The following TMEM117 variants were observed in gnomAD, a reference collection of about 807,000 sequenced individuals.
The protein encoded by TMEM117 is transmembrane protein 117.
TMEM117 carries 27 observed loss-of-function variants against 52.4 expected under a neutral mutation model. That is an observed-to-expected ratio of 0.51 (90% CI 0.38 to 0.71). TMEM117 has a LOEUF of 0.71. TMEM117 is among the 30% of genes least tolerant of loss of function. The pLI, the probability that TMEM117 is intolerant of heterozygous loss-of-function variation, is 0.00. For synonymous variants in TMEM117, 215 were observed against 206.3 expected, an observed-to-expected ratio of 1.04 and a Z score of -0.36; for missense variants, 556 against 630.5, an observed-to-expected ratio of 0.88 and a Z score of 1.26.
chr12:44,045,379 A>G (rs187898664), intron 3 of TMEM117, among the ~76,000 whole-genome samples: 13 of 152,274 alleles, frequency 8.5e-5, no homozygotes, highest in Admixed American at 6.5e-4. Context: ...CTCTTTCATC[A>G]TGGAAAGGTT....
intron 4 of TMEM117, among the ~76,000 whole-genome samples, chr12:44,152,670 A>T (rs969057687): frequency 1.5e-5 from 2 of 132,708 alleles, no homozygotes; most frequent in Non-Finnish European, 1.6e-5. Flanking sequence ...ATCATATATA[A>T]TTTTTATATA....
At chr12:44,170,693 A>G (rs1423527226) in intron 4 of TMEM117, among the ~76,000 whole-genome samples, 2 of 152,204 alleles carry the variant, frequency 1.3e-5, no homozygotes, top group African/African-American at 2.4e-5. Context: ...TGAATTTTAC[A>G]TCTTGATAGA....
At chr12:44,077,774 T>G (rs1187618777) in intron 3 of TMEM117, among the ~76,000 whole-genome samples, 1 of 150,988 alleles carries the variant, frequency 6.6e-6, no homozygotes, top group African/African-American at 2.5e-5. Context: ...CTTCATTCTT[T>G]TGGCATAGTC....
At chr12:44,386,545 G>A (rs1952090654) in intron 7 of TMEM117, among the ~76,000 whole-genome samples, 1 of 152,026 alleles carries the variant, frequency 6.6e-6, no homozygotes. Context: ...AGAGGAGCAA[G>A]TTGCACCTTC....
intron 3 of TMEM117, among the ~76,000 whole-genome samples, chr12:44,002,160 T>C (rs1337222773): frequency 5.3e-5 from 8 of 152,186 alleles, no homozygotes; most frequent in Non-Finnish European, 7.4e-5. Flanking sequence ...CCTGGACTTA[T>C]AGGAGACAGC....
At chr12:43,806,682 A>C in the TMEM117 span, among the ~76,000 whole-genome samples, 33,126 of 152,100 alleles carry the variant, frequency 0.22, 4,131 homozygotes, top group African/African-American at 0.33. Flanking sequence ...AAAGATGTGC[A>C]CATTATTTTT....
At chr12:43,981,432 G>GACTAT (rs1270645158) in intron 3 of TMEM117, among the ~76,000 whole-genome samples, 4 of 152,164 alleles carry the variant, frequency 2.6e-5, no homozygotes, top group African/African-American at 9.7e-5. Context: ...CATAGTTATA[G>GACTAT]AGCTTCAGTT....
intron 1 of TMEM117, among the ~76,000 whole-genome samples, chr12:43,842,155 A>C (rs754277573): frequency 9.9e-5 from 15 of 152,270 alleles, no homozygotes; most frequent in Non-Finnish European, 1.8e-4. Context: ...TACACATTGA[A>C]TATCATGAAA....
chr12:44,245,589 T>G (rs1375841828), intron 5 of TMEM117, among the ~76,000 whole-genome samples: 1 of 152,036 alleles, frequency 6.6e-6, no homozygotes, highest in Non-Finnish European at 1.5e-5. Flanking sequence ...TAACGTTTTT[T>G]TTTTTGTTGG....
chr12:44,305,854 C>T (rs1950896710), intron 6 of TMEM117, among the ~76,000 whole-genome samples: 1 of 151,712 alleles, frequency 6.6e-6, no homozygotes, highest in African/African-American at 2.4e-5. Flanking sequence ...GACACATGCA[C>T]ACATATGTTC....
At chr12:44,333,972 C>T (rs549495544) in intron 6 of TMEM117, among the ~76,000 whole-genome samples, 18 of 152,028 alleles carry the variant, frequency 1.2e-4, no homozygotes, top group African/African-American at 2.9e-4. Flanking sequence ...TCCTGAGGGA[C>T]GATGCTAAAC....
At chr12:44,046,751 C>T (rs1012372161) in intron 3 of TMEM117, among the ~76,000 whole-genome samples, 3 of 152,128 alleles carry the variant, frequency 2.0e-5, no homozygotes, top group African/African-American at 4.8e-5. Context: ...CATGTATAGA[C>T]TTGCACTAAG....
chr12:44,094,633 T>C (rs749367046), intron 3 of TMEM117, among the ~76,000 whole-genome samples: 3 of 152,132 alleles, frequency 2.0e-5, no homozygotes, highest in Non-Finnish European at 2.9e-5. Context: ...TTGTCTTTCA[T>C]GTCCAGTATT....
intron 3 of TMEM117, among the ~76,000 whole-genome samples, chr12:43,994,109 T>C (rs1404425580): frequency 2.0e-5 from 3 of 152,200 alleles, no homozygotes; most frequent in Non-Finnish European, 4.4e-5. Context: ...CCTGAGTCCA[T>C]GGAAGGCCTA....
downstream of TMEM117, among the ~76,000 whole-genome samples, chr12:44,392,070 G>T (rs1412540202): frequency 1.3e-5 from 2 of 152,140 alleles, no homozygotes; most frequent in Non-Finnish European, 2.9e-5. Context: ...TGTGTGCATA[G>T]AGTTGTAATT....
chr12:44,002,560 G>A (rs1476554687), intron 3 of TMEM117, among the ~76,000 whole-genome samples: 1 of 152,142 alleles, frequency 6.6e-6, no homozygotes, highest in African/African-American at 2.4e-5. Context: ...CTAACTCCCA[G>A]CCCTGGAGCT....
At chr12:43,833,502 T>C (rs756182489), upstream of TMEM117, among the ~76,000 whole-genome samples, 1 of 152,132 alleles carries the variant, frequency 6.6e-6, no homozygotes, top group African/African-American at 2.4e-5. Flanking sequence ...GGGTTACAAA[T>C]TACAGACCTC....
chr12:43,797,149 C>G, the TMEM117 span: 1 of 1,509,810 alleles, frequency 6.6e-7, no homozygotes, highest in East Asian at 2.3e-5. Context: ...ACATAAACTT[C>G]ATAAAACTAC....
At chr12:44,192,250 C>T (rs1449098526) in intron 4 of TMEM117, among the ~76,000 whole-genome samples, 1 of 152,110 alleles carries the variant, frequency 6.6e-6, no homozygotes, top group African/African-American at 2.4e-5. Flanking sequence ...CTCCCAGAAC[C>T]CGAGGTCCTC....
Sources: gnomAD v4.1 joint callset for allele counts (sites outside exome capture counted in the v4.1 genomes callset) on GRCh38, gnomAD v4.1.1 for gene constraint, MANE v1.5 for transcripts, NCBI Gene and HGNC (gene_info 2026-07-23, HGNC 2026-07-21) for gene names.